CHRM2: variants seen among roughly 807,000 people sequenced by gnomAD.
CHRM2 encodes the protein cholinergic receptor muscarinic 2, also known as muscarinic acetylcholine receptor M2.
A neutral mutation model predicts 25.0 loss-of-function variants in CHRM2; 8 were observed. The ratio of observed to expected loss-of-function variants is 0.32; its 90% CI spans 0.19 to 0.58. CHRM2 has a LOEUF of 0.58. Among genes scored for constraint, CHRM2 ranks in the 20% least tolerant of loss-of-function variants. CHRM2 has a pLI of 0.88. For synonymous variants in CHRM2, 202 were observed against 205.7 expected (o/e 0.98, Z 0.15); for missense variants, 440 against 567.1 (o/e 0.78, Z 2.28).
intron 2 of CHRM2, among the ~76,000 whole-genome samples, chr7:136,965,075 G>T (rs1801326730): frequency 1.3e-5 from 2 of 152,054 alleles, no homozygotes; most frequent in Non-Finnish European, 2.9e-5. Context: ...TTATATAAAA[G>T]TCTAGATATC....
At chr7:137,008,047 A>AC (rs1160677561) in intron 3 of CHRM2, among the ~76,000 whole-genome samples, 4 of 152,114 alleles carry the variant, frequency 2.6e-5, no homozygotes, top group Non-Finnish European at 5.9e-5. Context: ...TGGATTATAT[A>AC]CCTGAATGGT....
intron 2 of CHRM2, among the ~76,000 whole-genome samples, chr7:136,913,590 C>G (rs1011934588): frequency 6.6e-6 from 1 of 150,656 alleles, no homozygotes; most frequent in South Asian, 2.1e-4. Context: ...CCAAAATAAC[C>G]AAAACCTAAT....
At chr7:136,950,306 GT>G (rs1237427908) in intron 2 of CHRM2, among the ~76,000 whole-genome samples, 28 of 152,122 alleles carry the variant, frequency 1.8e-4, no homozygotes, top group African/African-American at 6.8e-4. Flanking sequence ...GAGGCAAAAG[GT>G]CCCTGTAGGA....
chr7:136,928,775 T>C (rs1798889740), intron 2 of CHRM2, among the ~76,000 whole-genome samples: 1 of 152,174 alleles, frequency 6.6e-6, no homozygotes, highest in Non-Finnish European at 1.5e-5. Flanking sequence ...AATGGAACCA[T>C]TTACTGACTT....
At chr7:136,984,649 G>A (rs1051034654) in intron 2 of CHRM2, among the ~76,000 whole-genome samples, 4 of 152,140 alleles carry the variant, frequency 2.6e-5, no homozygotes, top group Admixed American at 2.0e-4. Context: ...GGGTTAGAGA[G>A]CACCATTCCT....
chr7:136,901,328 A>C (rs1339556672), intron 2 of CHRM2, among the ~76,000 whole-genome samples: 1 of 152,118 alleles, frequency 6.6e-6, no homozygotes, highest in Admixed American at 6.6e-5. Context: ...ACAGATTGAG[A>C]CAGTTCAGAT....
At chr7:136,921,285 T>C (rs1798415567) in intron 2 of CHRM2, among the ~76,000 whole-genome samples, 1 of 152,112 alleles carries the variant, frequency 6.6e-6, no homozygotes. Flanking sequence ...GCCTGAAGTG[T>C]CCACACCTAT....
chr7:136,968,615 T>G (rs1207133736), intron 2 of CHRM2, among the ~76,000 whole-genome samples: 2 of 151,240 alleles, frequency 1.3e-5, no homozygotes, highest in Middle Eastern at 3.4e-3. Context: ...AGCCAAGACA[T>G]GGTAACAACC....
intron 2 of CHRM2, among the ~76,000 whole-genome samples, chr7:136,953,916 C>T (rs1800564937): frequency 6.6e-6 from 1 of 152,050 alleles, no homozygotes; most frequent in South Asian, 2.1e-4. Context: ...CTGACTGGCA[C>T]ATGCATTAGG....
rs184367507 is a variant in CHRM2 at position 136,968,425 on chromosome 7, G to A, written c.-124-23762G>A. 4.3e-3 allele frequency among the ~76,000 whole-genome samples: 646 copies of A among 151,908 alleles called. 4 individuals carry two copies. The highest frequency in any genetic ancestry group is 6.7e-3 in the Non-Finnish European group (453 of 67,880). On this transcript the variant is annotated intron_variant, in intron 2 of 3. Transcript: ENST00000680005. ...CAAAGGGAACCCTTGTATGCTGTTGGTGGGAGTGTAAATAAGTACAGTCAC... is the reference window on the plus strand; with the variant it reads ...CAAAGGGAACCCTTGTATGCTGTTGATGGGAGTGTAAATAAGTACAGTCAC...
At chr7:136,892,671 CTTTTTT>C (rs5887814) in intron 2 of CHRM2, among the ~76,000 whole-genome samples, 63 of 140,264 alleles carry the variant, frequency 4.5e-4, no homozygotes, top group Non-Finnish European at 8.8e-4. Context: ...ATTAAAAGTT[CTTTTTT>C]TTTTTTTTTT....
At chr7:136,902,996 C>A (rs375550697) in intron 2 of CHRM2, 3 of 422,886 alleles carry the variant, frequency 7.1e-6, no homozygotes, top group South Asian at 1.8e-5. Flanking sequence ...AACCTGGAGT[C>A]TGGAAAGTAT....
At chr7:136,945,605 C>T (rs1800029275) in intron 2 of CHRM2, among the ~76,000 whole-genome samples, 1 of 152,026 alleles carries the variant, frequency 6.6e-6, no homozygotes, top group Admixed American at 6.6e-5. Flanking sequence ...TAGTTCCTTG[C>T]TGTTTTGGTG....
rs71176365 is a variant in CHRM2, at chr7:137,011,215, G to GTA, written c.-46-3587_-46-3586dup. On this transcript the variant is annotated intron_variant, in intron 3 of 3. Transcript: ENST00000680005. ...TGTACGTGTGTGTGTGTGTGTGTGT[G>GTA]TATATATATATATATATATGGATTT... Among the ~76,000 whole-genome samples the GTA allele has an allele frequency of 1.1e-3, 149 of 134,306 alleles. 2 individuals carry two copies. Among genetic ancestry groups the GTA allele is most frequent in the East Asian group, 6.3e-3 (31 of 4,884 alleles). The allele number at this position is 134,306 out of a possible 152,430, so 88.1% of individuals were successfully genotyped here. A position where few individuals can be genotyped will look rare whatever the true frequency, so the allele number is the denominator to read the frequency against.
chr7:136,888,082 T>G (rs1796540110), intron 2 of CHRM2, among the ~76,000 whole-genome samples: 1 of 152,242 alleles, frequency 6.6e-6, no homozygotes, highest in Admixed American at 6.5e-5. Flanking sequence ...TCCACTTTCC[T>G]CAGGGCTGAA....
chr7:136,869,924 G>C lies in CHRM2; in HGVS notation c.-125+506G>C, dbSNP rs1584672631. The stretch of plus-strand genomic sequence containing the variant: ...TGGAGGCCCGGCTCGCTCGGGCTCC[G>C]AGCTGTCCCCCGGCTCCGCTTTCGG... On this transcript the variant is annotated intron_variant, in intron 2 of 3. Transcript: ENST00000680005. The surrounding 1 kb of genome is among the most constrained non-coding windows in gnomAD (Gnocchi z 4.9). The C allele has an allele frequency of 6.6e-6, 1 of 152,344 alleles. No homozygotes were observed. Among genetic ancestry groups the C allele is most frequent in the Non-Finnish European group, 1.5e-5 (1 of 68,202 alleles). The allele number at this position is 152,344 out of a possible 1,614,324, so 9.4% of individuals were successfully genotyped here.
At position 136,919,093 on chromosome 7, in the gene CHRM2, C is replaced by T. The variant is rs555879939; in HGVS notation, c.-125+49675C>T. ...TCTCTATATTATCCTGAATAGACAA[C>T]TTTTGGAGACCCCTAAGACATGTTA... On this transcript the variant is annotated intron_variant, in intron 2 of 3. Coordinates refer to ENST00000680005, the MANE Select transcript of CHRM2 (RefSeq NM_001006630.2). 1.1e-4 allele frequency among the ~76,000 whole-genome samples: 17 copies of T among 152,174 alleles called. No homozygotes were observed. The East Asian group carries it at 3.3e-3, about 29-fold the overall frequency.
intron 2 of CHRM2, among the ~76,000 whole-genome samples, chr7:136,938,120 C>G (rs569771144): frequency 1.2e-4 from 19 of 152,246 alleles, no homozygotes; most frequent in African/African-American, 4.6e-4. Flanking sequence ...AGTTATGTGA[C>G]CTGGCACTTG....
At chr7:136,931,442 G>A (rs1331591259) in intron 2 of CHRM2, among the ~76,000 whole-genome samples, 1 of 152,254 alleles carries the variant, frequency 6.6e-6, no homozygotes, top group Non-Finnish European at 1.5e-5. Flanking sequence ...GAAATGAGAA[G>A]AACCTCCTGG....
Sources: gnomAD v4.1 joint callset for allele counts (sites outside exome capture counted in the v4.1 genomes callset) on GRCh38, gnomAD v4.1.1 for gene constraint, Gnocchi (gnomAD v3.1) non-coding constraint, MANE v1.5 for transcripts, NCBI Gene and HGNC (gene_info 2026-07-23, HGNC 2026-07-21) for gene names.